The following TNNT1 variants were observed in gnomAD, a reference collection of about 807,000 sequenced individuals.
The protein encoded by TNNT1 is troponin T, slow skeletal muscle.
A neutral mutation model predicts 50.6 loss-of-function variants in TNNT1; 53 were observed. The observed-to-expected ratio is 1.05, with a 90% CI of 0.84 to 1.32. The LOEUF (loss-of-function observed/expected upper bound fraction) is 1.32, where lower values mean the gene tolerates loss of function less well. Among genes scored for constraint, TNNT1 ranks in the 40% most tolerant of loss-of-function variants. The pLI, the probability that TNNT1 is intolerant of heterozygous loss-of-function variation, is 0.00. For synonymous variants in TNNT1, 142 were observed against 138.0 expected, an observed-to-expected ratio of 1.03 and a Z score of -0.20; for missense variants, 348 against 381.7, an observed-to-expected ratio of 0.91 and a Z score of 0.74.
At position 55,147,041 on chromosome 19, in the gene TNNT1, G is replaced by A. The variant is rs2085571088; in HGVS notation, c.33-20C>T. The A allele has an allele frequency of 6.2e-7, 1 of 1,612,526 alleles. No homozygotes were observed. The highest frequency in any genetic ancestry group is 1.3e-5 in the African/African-American group (1 of 74,920). The stretch of plus-strand genomic sequence containing the variant: ...TGCTCCCTGCGGACGGGTGTGGGGA[G>A]AGAGGAGGGAGGGGAGAGTTAGACC... On this transcript the variant is annotated intron_variant, in intron 2 of 13. Transcript: ENST00000588981.
chr19:55,138,166 A>G (rs2085387965), intron 9 of TNNT1, 92 bp from the exon 10 acceptor site: 5 of 1,604,304 alleles, frequency 3.1e-6, no homozygotes, highest in Non-Finnish European at 3.4e-6. Flanking sequence ...AGGGATCAGC[A>G]GACCCAGTGC....
chr19:55,141,828 C>T, intron 7 of TNNT1, 29 bp downstream of exon 7: 1 of 1,612,694 alleles, frequency 6.2e-7, no homozygotes, highest in Non-Finnish European at 8.5e-7. Flanking sequence ...CTAGCAACTG[C>T]GCCTGCGGAG....
intron 11 of TNNT1, among the ~76,000 whole-genome samples, chr19:55,135,943 G>A (rs573687188): frequency 9.2e-5 from 14 of 152,334 alleles, no homozygotes; most frequent in African/African-American, 3.4e-4. Flanking sequence ...TCCCCACACG[G>A]GTAGTTTGAA....
chr19:55,143,023 G>C (rs879804715), intron 6 of TNNT1, among the ~76,000 whole-genome samples: 1 of 151,874 alleles, frequency 6.6e-6, no homozygotes, highest in Admixed American at 6.6e-5. Flanking sequence ...AAAAAAATTA[G>C]CTGGGCATGG....
At chr19:55,133,467 C>A (rs547375084) in intron 13 of TNNT1, 2 of 304,522 alleles carry the variant, frequency 6.6e-6, no homozygotes, top group Non-Finnish European at 1.3e-5. Flanking sequence ...ATCACGAGGT[C>A]AGGAGTTCGA....
intron 13 of TNNT1, 40 bp downstream of exon 13, chr19:55,133,847 G>A (rs1410741774): frequency 6.2e-7 from 1 of 1,612,992 alleles, no homozygotes; most frequent in Admixed American, 1.7e-5. Context: ...TCAGCGGGAG[G>A]GTAGGGACAA....
intron 6 of TNNT1, among the ~76,000 whole-genome samples, chr19:55,143,609 G>A (rs1051052511): frequency 7.9e-5 from 12 of 152,194 alleles, no homozygotes; most frequent in African/African-American, 2.9e-4. Context: ...TCATGTGTGG[G>A]AATAAAATAT....
At chr19:55,135,346 T>G (rs529341306) in intron 11 of TNNT1, among the ~76,000 whole-genome samples, 4 of 152,172 alleles carry the variant, frequency 2.6e-5, no homozygotes, top group African/African-American at 9.6e-5. Context: ...TTTTGTAGAA[T>G]TGCCATACCA....
At chr19:55,133,044 A>G (rs2085275846) in intron 13 of TNNT1, 84 bp from the exon 14 acceptor site, 7 of 1,226,122 alleles carry the variant, frequency 5.7e-6, no homozygotes, top group African/African-American at 4.5e-5. Context: ...CAGGAAGCCC[A>G]TTCCCCAAAA....
intron 12 of TNNT1, 21 bp from the exon 13 acceptor site, chr19:55,133,948 T>C: frequency 1.2e-6 from 2 of 1,610,524 alleles, no homozygotes; most frequent in East Asian, 2.2e-5. Context: ...AGAAGACAGA[T>C]GCTGGGACAG....
intron 6 of TNNT1, among the ~76,000 whole-genome samples, chr19:55,142,492 A>T (rs1415794965): frequency 6.6e-6 from 1 of 151,870 alleles, no homozygotes; most frequent in Admixed American, 6.6e-5. Flanking sequence ...AAACTGTGCT[A>T]TGAAAATTAA....
At chr19:55,133,720 G>T (rs764701519) in intron 13 of TNNT1, 167 bp downstream of exon 13, 2 of 740,912 alleles carry the variant, frequency 2.7e-6, no homozygotes, top group South Asian at 1.6e-5. Context: ...AAGGAACTGA[G>T]ACCCAGGATT....
rs1340534267 is a variant in TNNT1, at chr19:55,138,279, TG to T, written c.388-206del. ...GACCACCTACAAGTCCCTTCCCCTC[TG>T]TTTTTTTTTTTTTTTGAGACGGACT... On this transcript the variant is annotated intron_variant, in intron 9 of 13. Coordinates refer to ENST00000588981, the MANE Select transcript of TNNT1 (RefSeq NM_003283.6). Among the ~76,000 whole-genome samples, 40 of 146,186 alleles carry T rather than the reference TG, an allele frequency of 2.7e-4. No individual in the cohort carries two copies. In the East Asian group the frequency reaches 7.5e-3, roughly 27 times the overall value.
Position 55,137,091 on chromosome 19 carries a change from CA to C in TNNT1, c.611+11del. The C allele has an allele frequency of 6.4e-7, 1 of 1,551,550 alleles. No individual in the cohort carries two copies. Among genetic ancestry groups the C allele is most frequent in the Non-Finnish European group, 8.9e-7 (1 of 1,125,022 alleles). The stretch of plus-strand genomic sequence containing the variant: ...CCAGGCCCCTACACCCCGAGCCCCC[CA>C]CAGCACCTACCGGAGCTGTTCCTCC... On this transcript the variant is annotated intron_variant, in intron 11 of 13. Coordinates refer to ENST00000588981, the MANE Select transcript of TNNT1 (RefSeq NM_003283.6).
chr19:55,143,289 T>G (rs906030892), intron 6 of TNNT1, among the ~76,000 whole-genome samples: 6 of 152,174 alleles, frequency 3.9e-5, no homozygotes, highest in African/African-American at 1.2e-4. Context: ...CGTGAGCCAC[T>G]GCGCCCAGCC....
intron 13 of TNNT1, 66 bp from the exon 14 acceptor site, chr19:55,133,026 CCT>C: frequency 7.0e-7 from 1 of 1,425,932 alleles, no homozygotes; most frequent in South Asian, 1.2e-5. Context: ...GGCCCCAGGC[CCT>C]CAATTCAGGA....
chr19:55,134,271 C>T lies in TNNT1; in HGVS notation c.612-67G>A, dbSNP rs2085303388. On this transcript the variant is annotated intron_variant, in intron 11 of 13. Coordinates refer to ENST00000588981, the MANE Select transcript of TNNT1 (RefSeq NM_003283.6). ...GTGGGAACCACCCAAAGCCACACAG[C>T]GAGACTGTGAGTTCAGCGTTGTCGG... 9 of 1,467,118 alleles carry T rather than the reference C, an allele frequency of 6.1e-6. No homozygotes were observed. In the East Asian group the frequency reaches 9.9e-5, roughly 16 times the overall value. 90.9% of individuals were successfully genotyped at this position (1,467,118 alleles called of 1,614,324 possible).
At chr19:55,140,181 C>T (rs534796069) in intron 9 of TNNT1, among the ~76,000 whole-genome samples, 3 of 151,534 alleles carry the variant, frequency 2.0e-5, no homozygotes, top group Non-Finnish European at 2.9e-5. Context: ...GAATCCAGGC[C>T]GGGCACGATG....
rs111950566 is a variant in TNNT1 at position 55,132,823 on chromosome 19, C to T, written c.*92G>A. ...CTCAACCATAATAACATCAGAGAAC[C>T]CAGCGGGTGTCTGAGGGGAGCGTTT... On this transcript the variant is annotated 3_prime_UTR_variant, in exon 14 of 14. Transcript: ENST00000588981. 3.6e-5 allele frequency: 44 copies of T among 1,237,768 alleles called. No individual in the cohort carries two copies. The highest frequency in any genetic ancestry group is 4.9e-5 in the Non-Finnish European group (42 of 861,422). The allele number at this position is 1,237,768 out of a possible 1,614,324, so 76.7% of individuals were successfully genotyped here.
Sources: gnomAD v4.1 joint callset for allele counts (sites outside exome capture counted in the v4.1 genomes callset) on GRCh38, gnomAD v4.1.1 for gene constraint, MANE v1.5 for transcripts, NCBI Gene and HGNC (gene_info 2026-07-23, HGNC 2026-07-21) for gene names.